The following CCDC91 variants were observed in gnomAD, a reference collection of about 807,000 sequenced individuals.
The protein encoded by CCDC91 is coiled-coil domain containing 91, also known as coiled-coil domain-containing protein 91.
CCDC91 carries 48 observed loss-of-function variants against 63.2 expected under a neutral mutation model. That is an observed-to-expected ratio of 0.76 (90% CI 0.60 to 0.97). CCDC91 has a LOEUF of 0.97. CCDC91 is among the 50% of genes least tolerant of loss of function. The pLI, the probability that CCDC91 is intolerant of heterozygous loss-of-function variation, is 0.00. For synonymous variants in CCDC91, 167 were observed against 165.8 expected (o/e 1.01, Z -0.06); for missense variants, 500 against 494.6 (o/e 1.01, Z -0.10).
chr12:28,333,432 T>A (rs1410272482), intron 6 of CCDC91, among the ~76,000 whole-genome samples: 3 of 150,656 alleles, frequency 2.0e-5, no homozygotes, highest in Non-Finnish European at 4.4e-5. Context: ...AAACAATAAA[T>A]TTTTTTTCCC....
At chr12:28,342,633 G>A (rs971195787) in intron 6 of CCDC91, among the ~76,000 whole-genome samples, 9 of 152,162 alleles carry the variant, frequency 5.9e-5, no homozygotes, top group African/African-American at 2.2e-4. Flanking sequence ...TGAAAGAGAG[G>A]CCTTGAAGGT....
intron 12 of CCDC91, among the ~76,000 whole-genome samples, chr12:28,524,291 T>C (rs1012660717): frequency 6.6e-6 from 1 of 152,134 alleles, no homozygotes; most frequent in African/African-American, 2.4e-5. Context: ...CCTTGAGGCA[T>C]GTCCCTTGTA....
chr12:28,307,159 G>T (rs530343908), intron 5 of CCDC91, among the ~76,000 whole-genome samples: 2 of 151,860 alleles, frequency 1.3e-5, no homozygotes, highest in East Asian at 3.9e-4. Context: ...CGTTTACTAG[G>T]TTTTTTCTAA....
chr12:28,252,993 A>G (rs1946225095), intron 1 of CCDC91, among the ~76,000 whole-genome samples: 1 of 152,194 alleles, frequency 6.6e-6, no homozygotes, highest in Non-Finnish European at 1.5e-5. Flanking sequence ...GTTTTAAGTA[A>G]AATGCCCAAT....
At chr12:28,343,049 G>A (rs975532052) in intron 6 of CCDC91, among the ~76,000 whole-genome samples, 2 of 152,052 alleles carry the variant, frequency 1.3e-5, no homozygotes, top group African/African-American at 4.8e-5. Flanking sequence ...CATGTTTTGT[G>A]TAGTCAGGGA....
intron 11 of CCDC91, among the ~76,000 whole-genome samples, chr12:28,460,736 T>A (rs966140977): frequency 1.3e-5 from 2 of 152,052 alleles, no homozygotes; most frequent in African/African-American, 4.8e-5. Context: ...ATTTGCATAC[T>A]ATATATACAC....
At chr12:28,359,191 G>A (rs1943716807) in intron 6 of CCDC91, among the ~76,000 whole-genome samples, 1 of 151,864 alleles carries the variant, frequency 6.6e-6, no homozygotes, top group South Asian at 2.1e-4. Flanking sequence ...ACAGCACCCA[G>A]CCTACACACC....
At chr12:28,443,101 C>G (rs1388064669) in intron 8 of CCDC91, among the ~76,000 whole-genome samples, 1 of 148,348 alleles carries the variant, frequency 6.7e-6, no homozygotes, top group Admixed American at 6.8e-5. Context: ...AGGATGTTCT[C>G]TAATTTTTTT....
At chr12:28,433,695 G>A (rs1208873089) in intron 8 of CCDC91, among the ~76,000 whole-genome samples, 1 of 151,838 alleles carries the variant, frequency 6.6e-6, no homozygotes. Context: ...CTGAGTGTTT[G>A]TCTCTCCCTG....
intron 6 of CCDC91, among the ~76,000 whole-genome samples, chr12:28,335,262 A>AATATATAATATATAATACATATT (rs1565815276): frequency 6.4e-5 from 8 of 125,862 alleles, no homozygotes; most frequent in East Asian, 4.0e-4. Context: ...TAATACATAT[A>AATATATAATATATAATACATATT]ATATATAATA....
intron 3 of CCDC91, among the ~76,000 whole-genome samples, chr12:28,267,304 C>A (rs1224318207): frequency 6.6e-6 from 1 of 151,518 alleles, no homozygotes; most frequent in African/African-American, 2.4e-5. Context: ...TTTTTTTCCA[C>A]AATAATTTGG....
chr12:28,528,225 G>A (rs1941440166), intron 12 of CCDC91, among the ~76,000 whole-genome samples: 1 of 152,118 alleles, frequency 6.6e-6, no homozygotes, highest in African/African-American at 2.4e-5. Flanking sequence ...GCCCCTGTGA[G>A]GCAAGGCAGA....
intron 12 of CCDC91, among the ~76,000 whole-genome samples, chr12:28,535,148 T>C (rs1210715596): frequency 6.6e-6 from 1 of 152,210 alleles, no homozygotes; most frequent in Non-Finnish European, 1.5e-5. Context: ...AGATGTTTAA[T>C]GTGTATAGTT....
At chr12:28,419,468 T>C (rs1413967343) in intron 8 of CCDC91, among the ~76,000 whole-genome samples, 1 of 151,974 alleles carries the variant, frequency 6.6e-6, no homozygotes, top group Non-Finnish European at 1.5e-5. Context: ...ACAAGAAAAA[T>C]ATAAACCAAT....
chr12:28,485,548 C>A (rs1273700806), intron 12 of CCDC91, among the ~76,000 whole-genome samples: 6 of 152,076 alleles, frequency 3.9e-5, no homozygotes, highest in Non-Finnish European at 8.8e-5. Flanking sequence ...TAGGTTTCAA[C>A]AGAGGAGAAT....
rs757620482 is a variant in CCDC91 at position 28,190,561 on chromosome 12, G to A, written c.-95G>A. 2 of 154,104 alleles carry A rather than the reference G, an allele frequency of 1.3e-5. No individual in the cohort carries two copies. The highest frequency in any genetic ancestry group is 4.8e-5 in the African/African-American group (2 of 41,504). The allele number at this position is 154,104 out of a possible 1,614,324, so 9.5% of individuals were successfully genotyped here. A position where few individuals can be genotyped will look rare whatever the true frequency, so the allele number is the denominator to read the frequency against. On this transcript the variant is annotated 5_prime_UTR_variant, in exon 1 of 13. Coordinates refer to ENST00000536442, the MANE Select transcript of CCDC91 (RefSeq NM_018318.5). ...CCGTGCCTCGGGTGTACGCGTAGGG[G>A]TCTGTGTGCTGGGGGTGGCTCACCG...
chr12:28,365,116 GATTGA>G (rs1450410117), intron 7 of CCDC91, among the ~76,000 whole-genome samples: 1 of 152,112 alleles, frequency 6.6e-6, no homozygotes, highest in Non-Finnish European at 1.5e-5. Flanking sequence ...TAGGCAATTT[GATTGA>G]ATTCCTAATC....
intron 1 of CCDC91, among the ~76,000 whole-genome samples, chr12:28,211,336 A>G (rs1943219855): frequency 6.6e-6 from 1 of 151,972 alleles, no homozygotes. Context: ...CTGAGGCCCA[A>G]GCCACAACAC....
At chr12:28,249,350 T>G (rs1266147165) in intron 1 of CCDC91, among the ~76,000 whole-genome samples, 1 of 152,190 alleles carries the variant, frequency 6.6e-6, no homozygotes, top group Non-Finnish European at 1.5e-5. Flanking sequence ...TTGCAACCAC[T>G]CTGGATTCTG....
Sources: allele counts gnomAD v4.1 joint callset (sites outside exome capture counted in the v4.1 genomes callset), GRCh38; gene constraint gnomAD v4.1.1; transcripts MANE v1.5; gene names NCBI Gene and HGNC (gene_info 2026-07-23, HGNC 2026-07-21).